Variants in TRPV6 observed in about 807,000 individuals in gnomAD.
TRPV6 encodes transient receptor potential cation channel subfamily V member 6.
TRPV6 carries 39 observed loss-of-function variants against 79.0 expected under a neutral mutation model. The ratio of observed to expected loss-of-function variants is 0.49; its 90% CI spans 0.38 to 0.64. The LOEUF (loss-of-function observed/expected upper bound fraction) is 0.64, where lower values mean the gene tolerates loss of function less well. Among genes scored for constraint, TRPV6 ranks in the 30% least tolerant of loss-of-function variants. The probability of loss-of-function intolerance (pLI) is 0.00; values close to 1 mark genes in which losing one functional copy is unlikely to be tolerated. For synonymous variants in TRPV6, 373 were observed against 391.9 expected, an observed-to-expected ratio of 0.95 and a Z score of 0.57; for missense variants, 813 against 1,011.1, an observed-to-expected ratio of 0.80 and a Z score of 2.66.
intron 1 of TRPV6, 104 bp downstream of exon 1, chr7:142,885,285 G>T: frequency 7.2e-7 from 1 of 1,394,498 alleles, no homozygotes; most frequent in Non-Finnish European, 9.7e-7. Flanking sequence ...AGCACCATCT[G>T]TCCAGCCAAA....
At chr7:142,874,420 G>A (rs1795008747) in intron 11 of TRPV6, 71 bp downstream of exon 11, 10 of 1,584,872 alleles carry the variant, frequency 6.3e-6, no homozygotes, top group Non-Finnish European at 7.8e-6. Context: ...CTACTGTTCT[G>A]CCCTTTATGG....
intron 1 of TRPV6, chr7:142,883,469 C>T (rs1795234407): frequency 6.6e-6 from 1 of 152,270 alleles, no homozygotes; most frequent in Non-Finnish European, 1.5e-5. Context: ...CATTTACTTG[C>T]TCTAGGGTTC....
chr7:142,871,440 C>A lies in TRPV6; in HGVS notation c.*267G>T. ...TAAAGTGCTCTGACATGCAGTGCTCCTGTCGGAAGGGTGATGAGCAGGCCA... is the reference window on the plus strand; with the variant it reads ...TAAAGTGCTCTGACATGCAGTGCTCATGTCGGAAGGGTGATGAGCAGGCCA... On this transcript the variant is annotated 3_prime_UTR_variant, in exon 15 of 15. Coordinates refer to ENST00000359396, the MANE Select transcript of TRPV6 (RefSeq NM_018646.6). The A allele has an allele frequency of 2.0e-6, 1 of 500,916 alleles. No individual in the cohort carries two copies. Among genetic ancestry groups the A allele is most frequent in the South Asian group, 2.5e-5 (1 of 39,714 alleles). The allele number at this position is 500,916 out of a possible 1,614,324, so 31.0% of individuals were successfully genotyped here.
chr7:142,872,319 A>T (rs1794954656), intron 14 of TRPV6, 53 bp downstream of exon 14: 2 of 1,571,906 alleles, frequency 1.3e-6, no homozygotes, highest in East Asian at 2.3e-5. Context: ...GAGCAGGGGG[A>T]TACCCTGCCG....
Position 142,876,496 on chromosome 7 carries a change from T to G in TRPV6, c.794A>C (p.His265Pro). ...GTCCAGGGGCTGCAGGTGGTCCCCATGTCTGTCGTAGGACAGCAACAGGTT... is the reference window on the plus strand; with the variant it reads ...GTCCAGGGGCTGCAGGTGGTCCCCAGGTCTGTCGTAGGACAGCAACAGGTT... Residue 265 changes from histidine (H) to proline (P), a missense_variant, in exon 6 of 15, where the codon CAT becomes CCT. His to Pro is a moderately conservative substitution (Grantham distance 77). Coordinates refer to ENST00000359396, the MANE Select transcript of TRPV6 (RefSeq NM_018646.6). The G allele has an allele frequency of 6.2e-7, 1 of 1,614,162 alleles. No homozygotes were observed. The highest frequency in any genetic ancestry group is 1.1e-5 in the South Asian group (1 of 91,090).
In TRPV6 at chr7:142,871,324, C is replaced by T; in HGVS notation, c.*383G>A. ...ACGCTTTCCACAAGCTCTGCACTTC[C>T]CTGCACCTGCCTGGGTGCCCTGGGA... On this transcript the variant is annotated 3_prime_UTR_variant, in exon 15 of 15. Coordinates refer to ENST00000359396, the MANE Select transcript of TRPV6 (RefSeq NM_018646.6). The T allele has an allele frequency of 2.2e-6, 1 of 455,406 alleles. No homozygotes were observed. Among genetic ancestry groups the T allele is most frequent in the Non-Finnish European group, 4.0e-6 (1 of 248,110 alleles). 28.2% of individuals were successfully genotyped at this position (455,406 alleles called of 1,614,324 possible).
intron 2 of TRPV6, 75 bp from the exon 3 acceptor site, chr7:142,877,848 C>T: frequency 6.2e-7 from 1 of 1,612,780 alleles, no homozygotes; most frequent in Non-Finnish European, 8.5e-7. Context: ...CAGAGGCCAA[C>T]AGCACGAGGT....
rs751601086 is a variant in TRPV6 at position 142,871,991 on chromosome 7, T to G, written c.2016-2A>C. The G allele has an allele frequency of 3.2e-6, 5 of 1,578,432 alleles. No individual in the cohort carries two copies. On this transcript the variant is annotated splice_acceptor_variant, in intron 14 of 14. Transcript: ENST00000359396. LOFTEE classifies it high-confidence loss of function. ...TTGAGATCTTGCCTGTCTTCCACCC[T>G]GTGGAATGCGGGAGGACTTGAGACA...
intron 8 of TRPV6, 93 bp from the exon 9 acceptor site, chr7:142,875,257 T>C (rs1236745202): frequency 3.4e-6 from 5 of 1,466,432 alleles, no homozygotes; most frequent in African/African-American, 1.4e-5. Flanking sequence ...CTTAGCAGAT[T>C]CTTTTTAATC....
Position 142,871,641 on chromosome 7 carries a change from T to G in TRPV6, c.*66A>C. ...AGATGAGACCTCTGGGTGTTTGGTT[T>G]TTGTTTTGTTTGATGCACCCAGGAA... On this transcript the variant is annotated 3_prime_UTR_variant, in exon 15 of 15. Transcript: ENST00000359396. The G allele has an allele frequency of 6.5e-7, 1 of 1,527,426 alleles. No individual in the cohort carries two copies. Among genetic ancestry groups the G allele is most frequent in the Admixed American group, 2.0e-5 (1 of 48,892 alleles). The allele number at this position is 1,527,426 out of a possible 1,614,324, so 94.6% of individuals were successfully genotyped here.
At chr7:142,872,093 G>T (rs1794947591) in intron 14 of TRPV6, 104 bp from the exon 15 acceptor site, 2 of 1,462,458 alleles carry the variant, frequency 1.4e-6, no homozygotes, top group Admixed American at 2.4e-5. Context: ...CGCCATTGCT[G>T]GCCTTTTCCC....
Position 142,875,817 on chromosome 7 carries a change from C to A in TRPV6, c.970G>T (p.Asp324Tyr). 1 of 1,612,058 alleles carries A rather than the reference C, an allele frequency of 6.2e-7. No individual in the cohort carries two copies. Among genetic ancestry groups the A allele is most frequent in the Non-Finnish European group, 8.5e-7 (1 of 1,178,900 alleles). Residue 324 changes from aspartate (D) to tyrosine (Y), a missense_variant, in exon 7 of 15, where the codon GAC (aspartate) becomes TAC (tyrosine). This residue lies in a region of TRPV6 where 555 missense variants were observed against 631.0 expected (regional missense o/e 0.88). Coordinates refer to ENST00000359396, the MANE Select transcript of TRPV6 (RefSeq NM_018646.6). ...AGGGACTGCTCATCCCCTGAGGAGTCGATCTCTGTGAGGTCATAGAGAGTC... is the reference window on the plus strand; with the variant it reads ...AGGGACTGCTCATCCCCTGAGGAGTAGATCTCTGTGAGGTCATAGAGAGTC...
intron 6 of TRPV6, 32 bp downstream of exon 6, chr7:142,876,372 TAGAA>T (rs768258484): frequency 2.9e-5 from 46 of 1,599,776 alleles, no homozygotes; most frequent in African/African-American, 4.0e-5. Context: ...TGAGGGTCAT[TAGAA>T]AGACACCTCA....
chr7:142,872,426 G>C lies in TRPV6; in HGVS notation c.1961C>G (p.Pro654Arg). The C allele has an allele frequency of 6.2e-7, 1 of 1,614,244 alleles. No homozygotes were observed. The highest frequency in any genetic ancestry group is 2.2e-5 in the East Asian group (1 of 44,886). The stretch of plus-strand genomic sequence containing the variant: ...CTCCCGTCCGCAGATCCCGGAGCGA[G>C]GCCACAGGCAGCGAGGCAGCTTCCG... Residue 654 changes from proline (P) to arginine (R), a missense_variant, in exon 14 of 15, where the codon CCT (proline) becomes CGT (arginine). By Grantham distance (103) the Pro-to-Arg change is moderately radical. Transcript: ENST00000359396.
rs1385616347 is a variant in TRPV6, at chr7:142,885,720, C to T, written c.-84G>A. Reference sequence around the variant, plus strand: ...TTTGGAGAGGGCTGTGAGTTTGTTACACTTGGCAGAGCCAGCCAGGACTCT... The same window carrying T: ...TTTGGAGAGGGCTGTGAGTTTGTTATACTTGGCAGAGCCAGCCAGGACTCT... On this transcript the variant is annotated 5_prime_UTR_variant, in exon 1 of 15. Transcript: ENST00000359396. 6.3e-6 allele frequency: 4 copies of T among 635,610 alleles called. No individual in the cohort carries two copies. Among genetic ancestry groups the T allele is most frequent in the Middle Eastern group, 9.0e-4 (2 of 2,222 alleles). The allele number at this position is 635,610 out of a possible 1,614,324, so 39.4% of individuals were successfully genotyped here.
Position 142,876,799 on chromosome 7 carries a change from C to G in TRPV6, c.646G>C (p.Glu216Gln). The G allele has an allele frequency of 6.2e-7, 1 of 1,614,138 alleles. No individual in the cohort carries two copies. The highest frequency in any genetic ancestry group is 8.5e-7 in the Non-Finnish European group (1 of 1,180,016). The change falls in exon 5 of 15, where the codon GAG (glutamate) becomes CAG (glutamine). Residue 216 changes from glutamate (E) to glutamine (Q), a missense_variant. Transcript: ENST00000359396. ...TCAATGAGCAGCCGCACGATCTCCTCACTGTTCACACAGGCAGCAAAGGAC... is the reference window on the plus strand; with the variant it reads ...TCAATGAGCAGCCGCACGATCTCCTGACTGTTCACACAGGCAGCAAAGGAC...
chr7:142,885,327 G>T, intron 1 of TRPV6, 62 bp downstream of exon 1: 3 of 1,526,968 alleles, frequency 2.0e-6, no homozygotes, highest in South Asian at 2.5e-5. Context: ...GTGAGGGAGG[G>T]GTGAGGGGTA....
intron 14 of TRPV6, 104 bp from the exon 15 acceptor site, chr7:142,872,093 G>A: frequency 1.4e-6 from 2 of 1,462,460 alleles, no homozygotes; most frequent in Non-Finnish European, 1.8e-6. Context: ...CGCCATTGCT[G>A]GCCTTTTCCC....
chr7:142,885,303 A>G (rs944452692), intron 1 of TRPV6, 86 bp downstream of exon 1: 46 of 1,483,292 alleles, frequency 3.1e-5, no homozygotes, highest in Non-Finnish European at 4.1e-5. Context: ...AAAGGTGCCA[A>G]ACAAAGACGG....
Sources: allele counts gnomAD v4.1 joint callset, GRCh38; gene constraint gnomAD v4.1.1; regional missense constraint gnomAD v4.1.1; transcripts MANE v1.5; gene names NCBI Gene and HGNC (gene_info 2026-07-23, HGNC 2026-07-21).